The following CD99 variants were observed in gnomAD, a reference collection of about 807,000 sequenced individuals.
CD99 encodes the protein CD99 antigen.
A neutral mutation model predicts 28.4 loss-of-function variants in CD99; 19 were observed. The observed-to-expected ratio is 0.67, with a 90% CI of 0.47 to 0.98. CD99 has a LOEUF of 0.98. Ranked by LOEUF, CD99 falls within the 50% of genes least tolerant of loss-of-function variation. The pLI is 0.00. For missense variants in CD99, 283 were observed against 248.8 expected (o/e 1.14, Z -0.92); for synonymous variants, 103 against 92.1 (o/e 1.12, Z -0.67).
chrX:2,700,765 TTCA>T (rs2047815244), intron 1 of CD99, among the ~76,000 whole-genome samples: 1 of 151,562 alleles, frequency 6.6e-6, no homozygotes. Context: ...CACCCATCCT[TTCA>T]TCAATTTACC....
chrX:2,728,625 CTCCCCTCTTGCTTCTTCT>C (rs1430261484), intron 8 of CD99, among the ~76,000 whole-genome samples: 35 of 152,182 alleles, frequency 2.3e-4, no homozygotes, highest in Non-Finnish European at 4.3e-4. Flanking sequence ...TAACATTCTT[CTCCCCTCTTGCTTCTTCT>C]AGAAGTAGCG....
intron 8 of CD99, among the ~76,000 whole-genome samples, chrX:2,735,800 A>G (rs1011672951): frequency 4.6e-5 from 7 of 152,164 alleles, no homozygotes; most frequent in African/African-American, 1.7e-4. Flanking sequence ...CTTAAATCAA[A>G]GAATTTGGCC....
intron 1 of CD99, among the ~76,000 whole-genome samples, chrX:2,707,047 T>C (rs1375119050): frequency 6.6e-6 from 1 of 152,112 alleles, no homozygotes; most frequent in Non-Finnish European, 1.5e-5. Context: ...ATAACCCAAG[T>C]GTTCGGGCGC....
chrX:2,737,656 A>G (rs892731744), intron 8 of CD99, among the ~76,000 whole-genome samples: 2 of 150,936 alleles, frequency 1.3e-5, no homozygotes, highest in South Asian at 2.1e-4. Flanking sequence ...CACCACGCCC[A>G]GTTAACTTTT....
intron 1 of CD99, among the ~76,000 whole-genome samples, chrX:2,697,730 G>A (rs1405100950): frequency 6.6e-6 from 1 of 151,972 alleles, no homozygotes; most frequent in African/African-American, 2.4e-5. Context: ...ATTGCCAGTC[G>A]GCCTCTTCTG....
At chrX:2,711,291 GTATA>G (rs975579090) in intron 1 of CD99, among the ~76,000 whole-genome samples, 22 of 147,238 alleles carry the variant, frequency 1.5e-4, no homozygotes, top group African/African-American at 4.7e-4. Flanking sequence ...TATATAGTAT[GTATA>G]TATAGTATAT....
Position 2,691,341 on chromosome X carries a change from C to T in CD99, c.-20C>T, listed in dbSNP as rs900592189. The T allele has an allele frequency of 3.2e-6, 5 of 1,551,054 alleles. No homozygotes were observed. Among genetic ancestry groups the T allele is most frequent in the Non-Finnish European group, 4.3e-6 (5 of 1,158,900 alleles). Reference sequence around the variant, plus strand: ...CACGCCCTGCACTCCGGGACCGTCCCTGCGCGCTCTGGGCGCACCATGGCC... The same window carrying T: ...CACGCCCTGCACTCCGGGACCGTCCTTGCGCGCTCTGGGCGCACCATGGCC... On this transcript the variant is annotated 5_prime_UTR_variant, in exon 1 of 10. Coordinates refer to ENST00000381192, the MANE Select transcript of CD99 (RefSeq NM_002414.5).
At chrX:2,704,350 G>A (rs1286776375) in intron 1 of CD99, among the ~76,000 whole-genome samples, 4 of 152,122 alleles carry the variant, frequency 2.6e-5, no homozygotes, top group Admixed American at 6.6e-5. Context: ...GGATGAAGCC[G>A]AGATGTTACC....
intron 5 of CD99, among the ~76,000 whole-genome samples, chrX:2,722,362 C>G (rs2049033902): frequency 1.3e-5 from 2 of 152,010 alleles, no homozygotes; most frequent in African/African-American, 4.8e-5. Context: ...CTCTTCTTGC[C>G]CAGGCTGGAG....
intron 1 of CD99, among the ~76,000 whole-genome samples, chrX:2,695,924 T>C (rs934581311): frequency 6.6e-6 from 1 of 152,124 alleles, no homozygotes; most frequent in African/African-American, 2.4e-5. Context: ...GTGAGCCACC[T>C]GAAAAATCAT....
At chrX:2,715,876 G>T (rs1211279629) in intron 2 of CD99, among the ~76,000 whole-genome samples, 2 of 152,080 alleles carry the variant, frequency 1.3e-5, no homozygotes, top group Admixed American at 6.5e-5. Context: ...CCAGTCATTA[G>T]GACCTATCCT....
intron 1 of CD99, 66 bp downstream of exon 1, chrX:2,691,493 T>G (rs1225779963): frequency 6.6e-7 from 1 of 1,506,806 alleles, no homozygotes; most frequent in South Asian, 1.2e-5. Flanking sequence ...GGGATCCGCT[T>G]GAGATGCGGC....
intron 1 of CD99, among the ~76,000 whole-genome samples, chrX:2,713,983 G>A: frequency 6.6e-6 from 1 of 152,128 alleles, no homozygotes. Flanking sequence ...TTTTTTTAAT[G>A]CATAATGCAC....
chrX:2,704,586 A>G (rs1440357895), intron 1 of CD99, among the ~76,000 whole-genome samples: 4 of 152,070 alleles, frequency 2.6e-5, no homozygotes, highest in African/African-American at 7.2e-5. Context: ...GGTACACGCC[A>G]CCATGCCCAG....
At chrX:2,722,877 G>A (rs371374476) in intron 6 of CD99, among the ~76,000 whole-genome samples, 13 of 152,150 alleles carry the variant, frequency 8.5e-5, no homozygotes, top group East Asian at 1.9e-4. Flanking sequence ...TTCGGTCCTC[G>A]GAGAAGAGTT....
intron 8 of CD99, chrX:2,737,856 G>T: frequency 2.2e-6 from 1 of 461,026 alleles, no homozygotes; most frequent in South Asian, 2.1e-5. Flanking sequence ...TTTCACAGAT[G>T]CACGTACTTT....
At chrX:2,717,845 G>C (rs1169611327) in intron 3 of CD99, 193 bp downstream of exon 3, 1 of 603,538 alleles carries the variant, frequency 1.7e-6, no homozygotes, top group African/African-American at 1.9e-5. Flanking sequence ...AAGAATGGTT[G>C]CTGATGTGAA....
At chrX:2,706,326 C>G (rs368397866) in intron 1 of CD99, among the ~76,000 whole-genome samples, 184 of 152,268 alleles carry the variant, frequency 1.2e-3, no homozygotes, top group African/African-American at 4.3e-3. Flanking sequence ...GGCCACCGCA[C>G]TCCAGCCTGG....
Position 2,741,008 on chromosome X carries a change from T to C in CD99, c.*204T>C, listed in dbSNP as rs2050164966. On this transcript the variant is annotated 3_prime_UTR_variant, in exon 10 of 10. Coordinates refer to ENST00000381192, the MANE Select transcript of CD99 (RefSeq NM_002414.5). ...GATGAATTTTACATCCAAAGGGGGA[T>C]AGGCACTTGGACCCCCATTCTCCAA... The C allele has an allele frequency of 3.1e-6, 2 of 641,540 alleles. No homozygotes were observed. The highest frequency in any genetic ancestry group is 4.0e-5 in the South Asian group (2 of 50,458). 39.7% of individuals were successfully genotyped at this position (641,540 alleles called of 1,614,324 possible).
Sources: gnomAD v4.1 joint callset for allele counts (sites outside exome capture counted in the v4.1 genomes callset) on GRCh38, gnomAD v4.1.1 for gene constraint, MANE v1.5 for transcripts, NCBI Gene and HGNC (gene_info 2026-07-23, HGNC 2026-07-21) for gene names.